Variants in PCDHA3 observed in about 807,000 individuals in gnomAD.
The protein encoded by PCDHA3 is protocadherin alpha 3, also known as protocadherin alpha-3.
Under a neutral mutation model 62.2 loss-of-function variants are expected in PCDHA3, and 41 were observed. The ratio of observed to expected loss-of-function variants is 0.66; its 90% CI spans 0.51 to 0.86. The LOEUF (loss-of-function observed/expected upper bound fraction) is 0.86. Among genes scored for constraint, PCDHA3 ranks in the 40% least tolerant of loss-of-function variants. PCDHA3 has a pLI of 0.00. For synonymous variants in PCDHA3, 640 were observed against 555.4 expected (o/e 1.15, Z -2.14); for missense variants, 1,304 against 1,241.2 (o/e 1.05, Z -0.76).
At chr5:140,991,452 C>T (rs1162146299) in intron 3 of PCDHA3, among the ~76,000 whole-genome samples, 3 of 152,184 alleles carry the variant, frequency 2.0e-5, no homozygotes, top group African/African-American at 7.2e-5. Context: ...TAAAACAACA[C>T]AATGTATTAT....
chr5:140,898,817 C>T (rs1381051036), intron 1 of PCDHA3, among the ~76,000 whole-genome samples: 1 of 151,766 alleles, frequency 6.6e-6, no homozygotes, highest in Admixed American at 6.6e-5. Context: ...TCTTCCTACC[C>T]ATGAGCATGG....
chr5:140,943,998 G>C (rs2093593066), intron 1 of PCDHA3, among the ~76,000 whole-genome samples: 1 of 152,178 alleles, frequency 6.6e-6, no homozygotes, highest in Non-Finnish European at 1.5e-5. Context: ...CAGAACTACT[G>C]AGTACCCCCC....
rs182752192 is a variant in PCDHA3 at position 140,839,718 on chromosome 5, T to A, written c.2394+36127T>A. ...TAAATAATGTGATGACAAATTTAAATCATTTCACAGAAAATACCCTTATTT... is the reference window on the plus strand; with the variant it reads ...TAAATAATGTGATGACAAATTTAAAACATTTCACAGAAAATACCCTTATTT... On this transcript the variant is annotated intron_variant, in intron 1 of 3. Transcript: ENST00000522353. Among the ~76,000 whole-genome samples the A allele has an allele frequency of 7.0e-4, 106 of 152,196 alleles. 2 individuals are homozygous for A. The highest frequency in any genetic ancestry group is 2.5e-3 in the African/African-American group (104 of 41,490).
At chr5:140,835,885 A>G in intron 1 of PCDHA3, 3 of 1,611,866 alleles carry the variant, frequency 1.9e-6, no homozygotes, top group Non-Finnish European at 2.5e-6. Flanking sequence ...CGGGTGGGCG[A>G]GCGCGCGCTG....
At chr5:140,962,543 G>A (rs962454688) in intron 1 of PCDHA3, among the ~76,000 whole-genome samples, 1 of 152,176 alleles carries the variant, frequency 6.6e-6, no homozygotes, top group African/African-American at 2.4e-5. Flanking sequence ...AACTAAAAAT[G>A]TAGAGGATCT....
chr5:140,926,857 T>C (rs782114974), intron 1 of PCDHA3: 12 of 1,520,736 alleles, frequency 7.9e-6, no homozygotes, highest in Admixed American at 2.2e-5. Context: ...ACCGTTGGTG[T>C]AGCGTGTTGG....
intron 1 of PCDHA3, chr5:140,821,533 A>G: frequency 2.2e-6 from 1 of 462,588 alleles, no homozygotes. Flanking sequence ...AAAATAAAAC[A>G]CTTACCCTTT....
intron 1 of PCDHA3, among the ~76,000 whole-genome samples, chr5:140,831,556 T>C (rs1258339149): frequency 6.8e-6 from 1 of 147,678 alleles, no homozygotes; most frequent in Non-Finnish European, 1.5e-5. Context: ...AGAGATGGGG[T>C]TTCTCCATGT....
At chr5:140,858,949 G>A in intron 1 of PCDHA3, 1 of 158,970 alleles carries the variant, frequency 6.3e-6, no homozygotes, top group Non-Finnish European at 1.4e-5. Flanking sequence ...AGTGATTACA[G>A]CTTTTTCTCA....
intron 1 of PCDHA3, chr5:140,876,170 T>C (rs781910243): frequency 6.2e-7 from 1 of 1,613,982 alleles, no homozygotes; most frequent in African/African-American, 1.3e-5. Context: ...ATAACCGTCC[T>C]GGATGTGAAT....
chr5:140,937,599 A>T (rs2091614434), intron 1 of PCDHA3, among the ~76,000 whole-genome samples: 3 of 151,728 alleles, frequency 2.0e-5, no homozygotes, highest in African/African-American at 7.3e-5. Context: ...CCTGGGCAAC[A>T]GAGTGATACT....
rs2042221712 is a variant in PCDHA3 at position 140,852,026 on chromosome 5, C to T, written c.2394+48435C>T. The T allele has an allele frequency of 3.2e-6, 3 of 945,562 alleles. 1 individual carries two copies. Among genetic ancestry groups the T allele is most frequent in the Non-Finnish European group, 1.3e-6 (1 of 780,832 alleles). The allele number at this position is 945,562 out of a possible 1,614,324, so 58.6% of individuals were successfully genotyped here. On this transcript the variant is annotated intron_variant, in intron 1 of 3. Transcript: ENST00000522353. ...CTAATTTATAGTTTTAAAAACTTCG[C>T]TTATTGAGTTTTTGTTATGTGGTTT...
chr5:140,933,752 A>T (rs1308245960), intron 1 of PCDHA3, among the ~76,000 whole-genome samples: 1 of 152,068 alleles, frequency 6.6e-6, no homozygotes, highest in African/African-American at 2.4e-5. Context: ...AGAATTCACT[A>T]GTGAAGCTCT....
At chr5:140,828,366 G>A (rs1554131260) in intron 1 of PCDHA3, 6 of 1,614,164 alleles carry the variant, frequency 3.7e-6, no homozygotes, top group African/African-American at 1.3e-5. Flanking sequence ...CGGATCGACC[G>A]CGAGGAGCTG....
chr5:140,804,884 C>G (rs1763474759), intron 1 of PCDHA3: 6 of 629,668 alleles, frequency 9.5e-6, no homozygotes, highest in African/African-American at 1.9e-5. Context: ...CTTGACTCCT[C>G]TCCTTCCCCT....
intron 1 of PCDHA3, among the ~76,000 whole-genome samples, chr5:140,879,635 G>A (rs190054745): frequency 3.8e-4 from 58 of 152,286 alleles, no homozygotes; most frequent in African/African-American, 1.2e-3. Context: ...TAAGTGTGTC[G>A]CTTCCTGTGG....
chr5:140,836,489 C>T (rs1554135994), intron 1 of PCDHA3: 1 of 1,613,890 alleles, frequency 6.2e-7, no homozygotes, highest in Admixed American at 1.7e-5. Context: ...ACCTGATCAT[C>T]GCCATCTGCG....
intron 1 of PCDHA3, chr5:140,863,299 G>T (rs868935823): frequency 1.4e-6 from 2 of 1,462,780 alleles, no homozygotes; most frequent in Non-Finnish European, 9.3e-7. Flanking sequence ...CCTGATCATC[G>T]CCATCTGCGT....
At position 140,893,180 on chromosome 5, in the gene PCDHA3, C is replaced by T. The variant is rs1388898676; in HGVS notation, c.2395-85769C>T. Among the ~76,000 whole-genome samples, 3 of 152,208 alleles carry T rather than the reference C, an allele frequency of 2.0e-5. No individual in the cohort carries two copies. In the South Asian group the frequency reaches 6.2e-4, roughly 31 times the overall value. On this transcript the variant is annotated intron_variant, in intron 1 of 3. Coordinates refer to ENST00000522353, the MANE Select transcript of PCDHA3 (RefSeq NM_018906.3). ...TATTGAGGTTGATTCCACATAGTAGCTATTGTGAATAGTGCTGCAGTAAGT... is the reference window on the plus strand; with the variant it reads ...TATTGAGGTTGATTCCACATAGTAGTTATTGTGAATAGTGCTGCAGTAAGT...
Sources: allele counts gnomAD v4.1 joint callset (sites outside exome capture counted in the v4.1 genomes callset), GRCh38; gene constraint gnomAD v4.1.1; transcripts MANE v1.5; gene names NCBI Gene and HGNC (gene_info 2026-07-23, HGNC 2026-07-21).